CDKAL1: variants seen among roughly 807,000 people sequenced by gnomAD.
CDKAL1 encodes threonylcarbamoyladenosine tRNA methylthiotransferase.
A neutral mutation model predicts 68.2 loss-of-function variants in CDKAL1; 32 were observed. That is an observed-to-expected ratio of 0.47 (90% CI 0.35 to 0.63). The LOEUF (loss-of-function observed/expected upper bound fraction) is 0.63, where lower values mean the gene tolerates loss of function less well. Ranked by LOEUF, CDKAL1 falls within the 30% of genes least tolerant of loss-of-function variation. CDKAL1 has a pLI of 0.00. For synonymous variants in CDKAL1, 234 were observed against 244.3 expected (o/e 0.96, Z 0.39); for missense variants, 606 against 696.7 (o/e 0.87, Z 1.47).
chr6:21,105,932 G>A (rs1225431485), intron 12 of CDKAL1, among the ~76,000 whole-genome samples: 2 of 152,108 alleles, frequency 1.3e-5, no homozygotes, highest in African/African-American at 4.8e-5. Flanking sequence ...TGTAAATTTA[G>A]AAACATTCTA....
intron 13 of CDKAL1, among the ~76,000 whole-genome samples, chr6:21,164,131 G>A (rs981050134): frequency 1.3e-5 from 2 of 151,752 alleles, no homozygotes; most frequent in African/African-American, 4.9e-5. Flanking sequence ...GAAGAGATAA[G>A]AAAAACAAAG....
intron 5 of CDKAL1, among the ~76,000 whole-genome samples, chr6:20,707,614 G>A (rs1406327369): frequency 7.2e-5 from 11 of 152,188 alleles, no homozygotes; most frequent in African/African-American, 1.9e-4. Flanking sequence ...GAGCTAGGAC[G>A]AAAGGTGTAA....
intron 4 of CDKAL1, chr6:20,559,325 A>G (rs1055868711): frequency 6.6e-6 from 1 of 152,202 alleles, no homozygotes; most frequent in African/African-American, 2.4e-5. Flanking sequence ...ACTGTTGTGA[A>G]TTCTAAAATG....
At chr6:20,765,573 A>G (rs1774663409) in intron 7 of CDKAL1, among the ~76,000 whole-genome samples, 1 of 152,198 alleles carries the variant, frequency 6.6e-6, no homozygotes, top group South Asian at 2.1e-4. Context: ...TATTCTGTAC[A>G]TCTACATACA....
At chr6:20,867,833 G>A (rs4370355) in intron 9 of CDKAL1, among the ~76,000 whole-genome samples, 42,591 of 152,048 alleles carry the variant, frequency 0.28, 7,314 homozygotes, top group East Asian at 0.37. Flanking sequence ...ACTATCAAAA[G>A]CTTCATAATT....
chr6:20,783,597 G>A (rs973404224), intron 8 of CDKAL1, among the ~76,000 whole-genome samples: 1 of 152,112 alleles, frequency 6.6e-6, no homozygotes, highest in African/African-American at 2.4e-5. Context: ...TGAGCCTCCT[G>A]CACTCAACTA....
intron 5 of CDKAL1, among the ~76,000 whole-genome samples, chr6:20,678,934 C>T (rs941282037): frequency 1.1e-4 from 17 of 152,122 alleles, no homozygotes; most frequent in Admixed American, 1.0e-3. Flanking sequence ...GGGTCTTCCT[C>T]ATACCCAGTC....
intron 4 of CDKAL1, among the ~76,000 whole-genome samples, chr6:20,600,795 C>CATATATATATAT (rs1561956347): frequency 4.9e-5 from 6 of 123,572 alleles, no homozygotes; most frequent in African/African-American, 1.9e-4. Context: ...TATACACACA[C>CATATATATATAT]ACACATGAAT....
intron 5 of CDKAL1, among the ~76,000 whole-genome samples, chr6:20,704,041 A>C (rs745390663): frequency 4.6e-5 from 7 of 152,202 alleles, no homozygotes; most frequent in Non-Finnish European, 1.0e-4. Context: ...GATTTCATTC[A>C]ACACAATTAT....
intron 15 of CDKAL1, among the ~76,000 whole-genome samples, chr6:21,212,478 T>C (rs1387274602): frequency 1.3e-5 from 2 of 152,172 alleles, no homozygotes; most frequent in African/African-American, 4.8e-5. Flanking sequence ...GGATGAGTAC[T>C]TTAGAGCGAG....
At chr6:20,943,351 GAAAAAAAGA>G (rs1561903853) in intron 9 of CDKAL1, among the ~76,000 whole-genome samples, 37 of 108,924 alleles carry the variant, frequency 3.4e-4, no homozygotes, top group African/African-American at 1.7e-3. Flanking sequence ...AAAAGAAAAA[GAAAAAAAGA>G]AAAAAAAAGT....
At chr6:20,772,489 A>G (rs1469382635) in intron 7 of CDKAL1, among the ~76,000 whole-genome samples, 3 of 152,226 alleles carry the variant, frequency 2.0e-5, no homozygotes, top group African/African-American at 7.2e-5. Flanking sequence ...ATAGTAATTA[A>G]AACATAAAAT....
rs916648448 is a variant in CDKAL1 at position 21,213,060 on chromosome 6, C to G, written c.1548+11786C>G. On this transcript the variant is annotated intron_variant, in intron 15 of 15. Coordinates refer to ENST00000274695, the MANE Select transcript of CDKAL1 (RefSeq NM_017774.3). ...ACAGGCCCCTGGCTCCCAGGGCTTC[C>G]TCCTTGAAAACATCCGTTTTGAAGG... Among the ~76,000 whole-genome samples the G allele has an allele frequency of 2.6e-5, 4 of 152,172 alleles. No homozygotes were observed. The South Asian group carries it at 6.2e-4, about 24-fold the overall frequency.
chr6:20,571,431 T>A (rs1764697492), intron 4 of CDKAL1, among the ~76,000 whole-genome samples: 2 of 152,150 alleles, frequency 1.3e-5, no homozygotes, highest in Admixed American at 6.6e-5. Context: ...TGCTGACCTG[T>A]CCTTCTCCCT....
intron 12 of CDKAL1, among the ~76,000 whole-genome samples, chr6:21,095,623 G>C (rs983467616): frequency 6.7e-6 from 1 of 150,090 alleles, no homozygotes; most frequent in Non-Finnish European, 1.5e-5. Context: ...CCTGCCGAAG[G>C]CTTGACAGTG....
chr6:20,837,922 G>A (rs1433472629), intron 8 of CDKAL1, among the ~76,000 whole-genome samples: 1 of 147,664 alleles, frequency 6.8e-6, no homozygotes, highest in Non-Finnish European at 1.5e-5. Flanking sequence ...AGTTAGGGGT[G>A]GAGCTGGGAA....
At chr6:21,104,840 G>A (rs932821610) in intron 12 of CDKAL1, among the ~76,000 whole-genome samples, 2 of 152,164 alleles carry the variant, frequency 1.3e-5, no homozygotes, top group Admixed American at 1.3e-4. Context: ...GCACATATAA[G>A]TGTTAGCTAT....
chr6:21,070,193 G>C lies in CDKAL1; in HGVS notation c.1236+4965G>C, dbSNP rs1275484222. On this transcript the variant is annotated intron_variant, in intron 12 of 15. Transcript: ENST00000274695. ...TGATCGTTTGGTTCCACTCTGTGTAGTTATTTTTCCCTTTTCCTGAAAGAT... is the reference window on the plus strand; with the variant it reads ...TGATCGTTTGGTTCCACTCTGTGTACTTATTTTTCCCTTTTCCTGAAAGAT... 2.6e-5 allele frequency among the ~76,000 whole-genome samples: 4 copies of C among 152,110 alleles called. 1 individual carries two copies. The highest frequency in any genetic ancestry group is 2.0e-4 in the Admixed American group (3 of 15,264).
intron 4 of CDKAL1, among the ~76,000 whole-genome samples, chr6:20,631,622 G>C (rs1767678394): frequency 6.6e-6 from 1 of 152,078 alleles, no homozygotes. Context: ...TCTTAAAATA[G>C]CCTTCTTCAA....
Sources: allele counts gnomAD v4.1 joint callset (sites outside exome capture counted in the v4.1 genomes callset), GRCh38; gene constraint gnomAD v4.1.1; transcripts MANE v1.5; gene names NCBI Gene and HGNC (gene_info 2026-07-23, HGNC 2026-07-21).